FARS2: variants seen among roughly 807,000 people sequenced by gnomAD.
FARS2 encodes phenylalanyl-tRNA synthetase 2, mitochondrial.
In FARS2, 40 loss-of-function variants were observed where a neutral mutation model predicts 46.4. That is an observed-to-expected ratio of 0.86 (90% confidence interval 0.67 to 1.12). FARS2 has a LOEUF of 1.12. Ranked by LOEUF, FARS2 falls within the 50% of genes most tolerant of loss-of-function variation. The pLI is 0.00. For missense variants in FARS2, 513 were observed against 567.9 expected (o/e 0.90, Z 0.98); for synonymous variants, 234 against 214.9 (o/e 1.09, Z -0.78).
chr6:5,702,013 A>G lies in FARS2; in HGVS notation c.1218-69278A>G, dbSNP rs557611632. 3.3e-5 allele frequency among the ~76,000 whole-genome samples: 5 copies of G among 152,296 alleles called. No individual in the cohort carries two copies. The South Asian group carries it at 1.0e-3, about 32-fold the overall frequency. ...TTACAGATGTGTTCTCATGATTTTC[A>G]AATTTATGTTGGCTATTTTTTAACT... On this transcript the variant is annotated intron_variant, in intron 6 of 6. Transcript: ENST00000274680.
At chr6:5,599,948 C>G (rs1168730192) in intron 5 of FARS2, among the ~76,000 whole-genome samples, 2 of 151,856 alleles carry the variant, frequency 1.3e-5, no homozygotes. Context: ...TTGCTTCAGA[C>G]CCTAAGTCCC....
At chr6:5,750,606 A>G (rs1426692251) in intron 6 of FARS2, among the ~76,000 whole-genome samples, 1 of 152,176 alleles carries the variant, frequency 6.6e-6, no homozygotes, top group Non-Finnish European at 1.5e-5. Context: ...GAAGGGATCA[A>G]TGGTAGACAA....
chr6:5,418,386 A>T (rs1182538732), intron 3 of FARS2, among the ~76,000 whole-genome samples: 2 of 152,180 alleles, frequency 1.3e-5, no homozygotes, highest in Non-Finnish European at 2.9e-5. Flanking sequence ...TCTTCTTTTT[A>T]AGCCTTACTA....
intron 6 of FARS2, among the ~76,000 whole-genome samples, chr6:5,683,620 T>G (rs1330468199): frequency 1.3e-5 from 2 of 152,080 alleles, no homozygotes; most frequent in Non-Finnish European, 2.9e-5. Context: ...TTTTTTTCTT[T>G]TACTTTAAGT....
At chr6:5,388,928 A>G (rs749818967) in intron 2 of FARS2, among the ~76,000 whole-genome samples, 1 of 151,914 alleles carries the variant, frequency 6.6e-6, no homozygotes, top group Non-Finnish European at 1.5e-5. Flanking sequence ...CTTTTGTCAT[A>G]CTTGTCCTAC....
chr6:5,310,894 A>T (rs1769040050), intron 1 of FARS2, among the ~76,000 whole-genome samples: 1 of 152,238 alleles, frequency 6.6e-6, no homozygotes. Context: ...TGTCCTTGGT[A>T]GAGTAAGTTG....
chr6:5,323,363 G>A (rs1267034355), intron 1 of FARS2, among the ~76,000 whole-genome samples: 1 of 152,126 alleles, frequency 6.6e-6, no homozygotes, highest in African/African-American at 2.4e-5. Context: ...GCATAAACCT[G>A]TCTTTTATGA....
chr6:5,532,707 T>G (rs957559143), intron 4 of FARS2, among the ~76,000 whole-genome samples: 5 of 152,086 alleles, frequency 3.3e-5, no homozygotes, highest in African/African-American at 1.2e-4. Context: ...GCCAAGATTG[T>G]GCCATTGCAC....
At chr6:5,416,883 G>GT (rs1372941718) in intron 3 of FARS2, among the ~76,000 whole-genome samples, 26 of 152,176 alleles carry the variant, frequency 1.7e-4, no homozygotes, top group African/African-American at 6.3e-4. Flanking sequence ...AGACTTCCCT[G>GT]TTTCCCATCT....
chr6:5,748,066 C>A (rs1385999498), intron 6 of FARS2, among the ~76,000 whole-genome samples: 1 of 152,078 alleles, frequency 6.6e-6, no homozygotes, highest in Non-Finnish European at 1.5e-5. Flanking sequence ...CCAGTTCAAC[C>A]CACATCCCAA....
Position 5,368,764 on chromosome 6 carries a change from A to T in FARS2, c.194A>T (p.Asn65Ile). The change falls in exon 2 of 7, where the codon AAC (asparagine) becomes ATC (isoleucine). Residue 65 changes from asparagine (N) to isoleucine (I), a missense_variant. Asn to Ile is a moderately radical substitution (Grantham distance 149). Transcript: ENST00000274680. Reference sequence around the variant, plus strand: ...TCCTACCCTCAGGACGACCACAGCAACCTCACCCGGAAGGTCCTCACCAGA... The same window carrying T: ...TCCTACCCTCAGGACGACCACAGCATCCTCACCCGGAAGGTCCTCACCAGA... ...GKSYPQDDHS[N>I]LTRKVLTRVG... 6.2e-7 allele frequency: 1 copy of T among 1,614,134 alleles called. No individual in the cohort carries two copies. Among genetic ancestry groups the T allele is most frequent in the Non-Finnish European group, 8.5e-7 (1 of 1,180,008 alleles).
At chr6:5,477,785 A>G (rs1356487017) in intron 4 of FARS2, among the ~76,000 whole-genome samples, 1 of 152,134 alleles carries the variant, frequency 6.6e-6, no homozygotes, top group Non-Finnish European at 1.5e-5. Flanking sequence ...TTGGGAGGCC[A>G]AGATGGGAGG....
At chr6:5,278,048 A>G (rs1766459906) in intron 1 of FARS2, among the ~76,000 whole-genome samples, 1 of 152,158 alleles carries the variant, frequency 6.6e-6, no homozygotes, top group South Asian at 2.1e-4. Flanking sequence ...ATTAATCTAA[A>G]TTATCATCTC....
chr6:5,716,539 A>C (rs9504498), intron 6 of FARS2, among the ~76,000 whole-genome samples: 3,393 of 152,304 alleles, frequency 0.022, 129 homozygotes, highest in African/African-American at 0.078. Context: ...TCAGTTCTGC[A>C]GCAAACACCA....
At chr6:5,654,221 T>G (rs759187387) in intron 6 of FARS2, among the ~76,000 whole-genome samples, 15 of 152,112 alleles carry the variant, frequency 9.9e-5, no homozygotes, top group Non-Finnish European at 2.1e-4. Flanking sequence ...GTCAGTGTGG[T>G]CTGCTTTAAT....
chr6:5,730,132 T>C (rs546551030), intron 6 of FARS2, among the ~76,000 whole-genome samples: 1 of 152,390 alleles, frequency 6.6e-6, no homozygotes, highest in East Asian at 1.9e-4. Context: ...TGTTTAATAA[T>C]TGTTCATTTA....
intron 5 of FARS2, among the ~76,000 whole-genome samples, chr6:5,595,306 T>C (rs1189839772): frequency 1.3e-5 from 2 of 152,180 alleles, no homozygotes; most frequent in African/African-American, 4.8e-5. Flanking sequence ...GTCTACCCCT[T>C]AATCCTTTGA....
chr6:5,552,235 T>C (rs1189775123), intron 5 of FARS2, among the ~76,000 whole-genome samples: 4 of 152,216 alleles, frequency 2.6e-5, no homozygotes, highest in Admixed American at 2.0e-4. Context: ...AGAAAACTTG[T>C]TTTATTACTA....
intron 6 of FARS2, among the ~76,000 whole-genome samples, chr6:5,685,425 G>C (rs13213128): frequency 0.5 from 75,560 of 151,958 alleles, 19,130 homozygotes; most frequent in African/African-American, 0.54. Context: ...CGTGGCCACG[G>C]AGGTGAGCAG....
Sources: allele counts gnomAD v4.1 joint callset (sites outside exome capture counted in the v4.1 genomes callset), GRCh38; gene constraint gnomAD v4.1.1; transcripts MANE v1.5; gene names NCBI Gene and HGNC (gene_info 2026-07-23, HGNC 2026-07-21).